Variants in ARIH1 observed in about 807,000 individuals in gnomAD.
ARIH1 encodes E3 ubiquitin-protein ligase ARIH1.
A neutral mutation model predicts 85.0 loss-of-function variants in ARIH1; 8 were observed. That is an observed-to-expected ratio of 0.09 (90% CI 0.06 to 0.17). The LOEUF (loss-of-function observed/expected upper bound fraction) is 0.17. Ranked by LOEUF, ARIH1 falls within the 10% of genes least tolerant of loss-of-function variation. The probability of loss-of-function intolerance (pLI) is 1.00; values close to 1 mark genes in which losing one functional copy is unlikely to be tolerated. For synonymous variants in ARIH1, 238 were observed against 253.6 expected, an observed-to-expected ratio of 0.94 and a Z score of 0.59; for missense variants, 311 against 718.1, an observed-to-expected ratio of 0.43 and a Z score of 6.48.
intron 1 of ARIH1, among the ~76,000 whole-genome samples, chr15:72,479,509 A>G (rs1222102557): frequency 6.6e-6 from 1 of 151,004 alleles, no homozygotes; most frequent in Non-Finnish European, 1.5e-5. Context: ...CCTGGGTTCA[A>G]GCGATTCTCC....
intron 1 of ARIH1, among the ~76,000 whole-genome samples, chr15:72,502,207 C>T (rs183186420): frequency 1.3e-5 from 2 of 152,254 alleles, no homozygotes; most frequent in South Asian, 2.1e-4. Context: ...TGATAACATC[C>T]TTCTACTTAC....
chr15:72,481,841 C>A (rs893261548), intron 1 of ARIH1, among the ~76,000 whole-genome samples: 1 of 151,888 alleles, frequency 6.6e-6, no homozygotes, highest in Non-Finnish European at 1.5e-5. Context: ...CTTTTCTTTT[C>A]TTTTCTTTTT....
At chr15:72,504,220 A>G (rs1442999417) in intron 1 of ARIH1, among the ~76,000 whole-genome samples, 1 of 151,946 alleles carries the variant, frequency 6.6e-6, no homozygotes, top group African/African-American at 2.4e-5. Flanking sequence ...ATGCCCCACT[A>G]ATTTTTGTAT....
rs2064377934 is a variant in ARIH1 at position 72,600,285 on chromosome 15, C to T, written c.*16993C>T. The stretch of plus-strand genomic sequence containing the variant: ...ATATGATTTGAATAATCTTGATAAG[C>T]AGGGTCACATTTGAGGAGATTTGCT... On this transcript the variant is annotated 3_prime_UTR_variant, in exon 14 of 14. Transcript: ENST00000379887. The T allele has an allele frequency of 6.6e-6, 1 of 152,144 alleles. No homozygotes were observed. Among genetic ancestry groups the T allele is most frequent in the South Asian group, 2.1e-4 (1 of 4,828 alleles). 9.4% of individuals were successfully genotyped at this position (152,144 alleles called of 1,614,324 possible).
intron 3 of ARIH1, among the ~76,000 whole-genome samples, chr15:72,554,347 G>C (rs995735864): frequency 6.6e-6 from 1 of 152,024 alleles, no homozygotes; most frequent in South Asian, 2.1e-4. Flanking sequence ...GTGTACGAAG[G>C]CTCCAATTTT....
intron 5 of ARIH1, among the ~76,000 whole-genome samples, 185 bp downstream of exon 5, chr15:72,556,092 A>G (rs1422322377): frequency 6.6e-6 from 1 of 152,246 alleles, no homozygotes; most frequent in African/African-American, 2.4e-5. Flanking sequence ...CACTATTCTT[A>G]CAAACTTAGA....
intron 3 of ARIH1, among the ~76,000 whole-genome samples, chr15:72,550,559 GC>G (rs1206792706): frequency 2.0e-5 from 3 of 152,164 alleles, no homozygotes; most frequent in Admixed American, 6.5e-5. Context: ...ACAAGTTAGT[GC>G]CAAATCTCCT....
rs2064353297 is a variant in ARIH1 at position 72,594,087 on chromosome 15, G to GT, written c.*10796dup. The GT allele has an allele frequency of 2.0e-5, 3 of 151,638 alleles. No homozygotes were observed. The South Asian group carries it at 6.2e-4, about 32-fold the overall frequency. The allele number at this position is 151,638 out of a possible 1,614,324, so 9.4% of individuals were successfully genotyped here. The stretch of plus-strand genomic sequence containing the variant: ...AGCAATGTTTTGTAGCTTCCCTTGC[G>GT]TAACACTTGCTTATCTTACATTAGA... On this transcript the variant is annotated 3_prime_UTR_variant, in exon 14 of 14. Coordinates refer to ENST00000379887, the MANE Select transcript of ARIH1 (RefSeq NM_005744.5).
rs1341582049 is a variant in ARIH1, at chr15:72,586,094, A to T, written c.*2802A>T. On this transcript the variant is annotated 3_prime_UTR_variant, in exon 14 of 14. Transcript: ENST00000379887. ...CCACAGTGGTAAAATTGAGTAGCATATAATATCAGACTAAATTATCTGTAA... is the reference window on the plus strand; with the variant it reads ...CCACAGTGGTAAAATTGAGTAGCATTTAATATCAGACTAAATTATCTGTAA... 2.0e-5 allele frequency: 3 copies of T among 152,236 alleles called. No homozygotes were observed. The highest frequency in any genetic ancestry group is 2.0e-4 in the Admixed American group (3 of 15,272). 9.4% of individuals were successfully genotyped at this position (152,236 alleles called of 1,614,324 possible).
chr15:72,510,314 T>G (rs1179687186), intron 1 of ARIH1, among the ~76,000 whole-genome samples: 3 of 152,320 alleles, frequency 2.0e-5, no homozygotes, highest in East Asian at 3.9e-4. Flanking sequence ...ATCCGTTTTC[T>G]CTAATGGATT....
In ARIH1 at chr15:72,506,837, T is replaced by G. The variant is rs903772927; in HGVS notation, c.376-11230T>G. On this transcript the variant is annotated intron_variant, in intron 1 of 13. Coordinates refer to ENST00000379887, the MANE Select transcript of ARIH1 (RefSeq NM_005744.5). ...TATGTAAACTGGAATAAAAAAGTGG[T>G]TTTTTTTTGTTTTTTTTGTTTGTTT... is the stretch of plus-strand genomic sequence containing the variant. Among the ~76,000 whole-genome samples the G allele has an allele frequency of 1.1e-4, 16 of 150,280 alleles. No individual in the cohort carries two copies. In the East Asian group the frequency reaches 1.9e-3, roughly 18 times the overall value.
rs1034262571 is a variant in ARIH1 at position 72,601,433 on chromosome 15, C to T, written c.*18141C>T. 2 of 152,238 alleles carry T rather than the reference C, an allele frequency of 1.3e-5. No homozygotes were observed. The highest frequency in any genetic ancestry group is 2.4e-5 in the African/African-American group (1 of 41,440). 9.4% of individuals were successfully genotyped at this position (152,238 alleles called of 1,614,324 possible). ...GCAACCAACCCTGTTACCTTTTTCTCTTTTCACACTGGTCTTCATTCTGTG... is the reference window on the plus strand; with the variant it reads ...GCAACCAACCCTGTTACCTTTTTCTTTTTTCACACTGGTCTTCATTCTGTG... On this transcript the variant is annotated 3_prime_UTR_variant, in exon 14 of 14. Coordinates refer to ENST00000379887, the MANE Select transcript of ARIH1 (RefSeq NM_005744.5).
intron 9 of ARIH1, among the ~76,000 whole-genome samples, chr15:72,568,940 A>G (rs1303621358): frequency 6.6e-6 from 1 of 152,190 alleles, no homozygotes; most frequent in Non-Finnish European, 1.5e-5. Flanking sequence ...GAGAGTTACA[A>G]ACCTCAATCA....
intron 7 of ARIH1, among the ~76,000 whole-genome samples, chr15:72,564,167 A>G (rs1357423691): frequency 1.3e-5 from 2 of 152,048 alleles, no homozygotes; most frequent in Non-Finnish European, 2.9e-5. Context: ...CTCTTCTTGC[A>G]TTTTCTATAA....
chr15:72,553,946 T>C (rs568534925), intron 3 of ARIH1, among the ~76,000 whole-genome samples: 1 of 152,240 alleles, frequency 6.6e-6, no homozygotes, highest in Non-Finnish European at 1.5e-5. Context: ...TGTGATCTTT[T>C]ATGACTGGCT....
intron 2 of ARIH1, among the ~76,000 whole-genome samples, chr15:72,540,013 A>G (rs1260611903): frequency 6.6e-6 from 1 of 152,180 alleles, no homozygotes; most frequent in African/African-American, 2.4e-5. Flanking sequence ...TAATCCCAGC[A>G]CTTTGGGAGG....
In ARIH1 at chr15:72,583,546, C is replaced by G. The variant is rs972959728; in HGVS notation, c.*254C>G. On this transcript the variant is annotated 3_prime_UTR_variant, in exon 14 of 14. Transcript: ENST00000379887. The stretch of plus-strand genomic sequence containing the variant: ...CACACTAAAAGCCCTCCAACTTTAA[C>G]TTGTAACGTAGCTTCATTCTCAAAG... 10 of 375,534 alleles carry G rather than the reference C, an allele frequency of 2.7e-5. No homozygotes were observed. Among genetic ancestry groups the G allele is most frequent in the Non-Finnish European group, 4.3e-5 (9 of 210,398 alleles). 23.3% of individuals were successfully genotyped at this position (375,534 alleles called of 1,614,324 possible).
chr15:72,482,887 C>T (rs1244630150), intron 1 of ARIH1, among the ~76,000 whole-genome samples: 5 of 146,996 alleles, frequency 3.4e-5, no homozygotes, highest in Non-Finnish European at 7.4e-5. Flanking sequence ...GGTGCCCAGG[C>T]TGGAGTGCAA....
chr15:72,519,504 A>G (rs1354119044), intron 2 of ARIH1, among the ~76,000 whole-genome samples: 1 of 87,512 alleles, frequency 1.1e-5, no homozygotes, highest in Non-Finnish European at 2.1e-5. Context: ...TTTTTTTGAG[A>G]CGGAGTTTCG....
Sources: allele counts gnomAD v4.1 joint callset (sites outside exome capture counted in the v4.1 genomes callset), GRCh38; gene constraint gnomAD v4.1.1; transcripts MANE v1.5; gene names NCBI Gene and HGNC (gene_info 2026-07-23, HGNC 2026-07-21).